DICER1: variants seen among roughly 807,000 people sequenced by gnomAD.
DICER1 encodes the protein endoribonuclease Dicer.
A neutral mutation model predicts 194.1 loss-of-function variants in DICER1; 43 were observed. That is an observed-to-expected ratio of 0.22 (90% CI 0.17 to 0.29). The LOEUF is 0.29. DICER1 is among the 10% of genes least tolerant of loss of function. The pLI is 1.00. For synonymous variants in DICER1, 832 were observed against 820.5 expected (o/e 1.01, Z -0.24); for missense variants, 1,608 against 2,317.0 (o/e 0.69, Z 6.28).
intron 1 of DICER1, among the ~76,000 whole-genome samples, chr14:95,151,322 T>C (rs1895498994): frequency 6.6e-6 from 1 of 152,222 alleles, no homozygotes; most frequent in African/African-American, 2.4e-5. Flanking sequence ...CATCCTCCAT[T>C]ATATTACTAG....
In DICER1 at chr14:95,090,683, C is replaced by T; in HGVS notation, c.5604-20G>A. 1 of 1,613,894 alleles carries T rather than the reference C, an allele frequency of 6.2e-7. No individual in the cohort carries two copies. On this transcript the variant is annotated intron_variant, in intron 26 of 26. Transcript: ENST00000343455. ...GCCGGGCTGTAAAAAATCCAAACAGCTTGAATTAGAAGTCAGAAGTATTTA... is the reference window on the plus strand; with the variant it reads ...GCCGGGCTGTAAAAAATCCAAACAGTTTGAATTAGAAGTCAGAAGTATTTA...
rs139779019 is a variant in DICER1, at chr14:95,123,827, T to C, written c.1376+369A>G. Among the ~76,000 whole-genome samples the C allele has an allele frequency of 4.6e-5, 7 of 152,360 alleles. No homozygotes were observed. The East Asian group carries it at 1.2e-3, about 25-fold the overall frequency. On this transcript the variant is annotated intron_variant, in intron 8 of 26. Transcript: ENST00000343455. ...GAGGGGAACACTTGGTGTGAAATGC[T>C]TAACACAATGTCTAACACATAGTTA... is the stretch of plus-strand genomic sequence containing the variant.
intron 8 of DICER1, among the ~76,000 whole-genome samples, chr14:95,122,315 T>C (rs972300355): frequency 1.3e-5 from 2 of 152,168 alleles, no homozygotes; most frequent in Non-Finnish European, 2.9e-5. Context: ...TACACCCCCA[T>C]TTCTTCTCTC....
intron 4 of DICER1, among the ~76,000 whole-genome samples, 198 bp from the exon 5 acceptor site, chr14:95,130,390 T>C (rs1893854472): frequency 6.6e-6 from 1 of 152,030 alleles, no homozygotes; most frequent in Non-Finnish European, 1.5e-5. Context: ...GGGAAAAGAG[T>C]AGAGAAAAAA....
chr14:95,093,733 T>C (rs1003074954), intron 24 of DICER1, among the ~76,000 whole-genome samples, 155 bp downstream of exon 24: 7 of 152,204 alleles, frequency 4.6e-5, no homozygotes, highest in African/African-American at 1.7e-4. Flanking sequence ...ACCTGCAAAC[T>C]GCAGTTCACT....
chr14:95,137,177 G>A (rs1195562413), intron 1 of DICER1, among the ~76,000 whole-genome samples: 2 of 150,354 alleles, frequency 1.3e-5, no homozygotes, highest in Non-Finnish European at 3.0e-5. Context: ...GAAGGAAAAG[G>A]GGAAGGAGAA....
chr14:95,156,468 C>G (rs147403297), intron 1 of DICER1, among the ~76,000 whole-genome samples: 85 of 152,340 alleles, frequency 5.6e-4, no homozygotes, highest in Non-Finnish European at 1.1e-3. Flanking sequence ...CTTCAGGTTC[C>G]TAAGGACACA....
At chr14:95,153,346 T>C (rs1895639480) in intron 1 of DICER1, among the ~76,000 whole-genome samples, 1 of 152,192 alleles carries the variant, frequency 6.6e-6, no homozygotes. Context: ...ACAACTGATA[T>C]TCGAGGGACA....
intron 6 of DICER1, among the ~76,000 whole-genome samples, chr14:95,128,768 T>C (rs1893694822): frequency 6.6e-6 from 1 of 152,260 alleles, no homozygotes; most frequent in Non-Finnish European, 1.5e-5. Context: ...CAGTCTCCGC[T>C]ACTTATTGTA....
Position 95,126,659 on chromosome 14 carries a change from T to C in DICER1, c.824A>G (p.Glu275Gly), listed in dbSNP as rs2140233305. 1.9e-6 allele frequency: 3 copies of C among 1,587,714 alleles called. No individual in the cohort carries two copies. The highest frequency in any genetic ancestry group is 2.6e-6 in the Non-Finnish European group (3 of 1,156,064). ...GLYERLLMEL[E>G]EALNFINDCN... The stretch of plus-strand genomic sequence containing the variant: ...ATCATTGATAAAATTAAGTGCTTCT[T>C]CTAATTCCATCAGCAGTCTTTCATA... Residue 275 changes from glutamate (E) to glycine (G), a missense_variant, in exon 7 of 27, where the codon GAA becomes GGA. By Grantham distance (98) the Glu-to-Gly change is moderately conservative. Around this residue, in one of 10 missense-constraint regions of DICER1, gnomAD observed 657 missense variants for 910.1 expected, o/e 0.72. Transcript: ENST00000343455.
chr14:95,105,309 AGACCAATTTCACTAATGGAT>A lies in DICER1; in HGVS notation c.3094-83_3094-64del. 1 of 1,405,494 alleles carries A rather than the reference AGACCAATTTCACTAATGGAT, an allele frequency of 7.1e-7. No homozygotes were observed. Among genetic ancestry groups the A allele is most frequent in the Non-Finnish European group, 1.0e-6 (1 of 998,530 alleles). 87.1% of individuals were successfully genotyped at this position (1,405,494 alleles called of 1,614,324 possible). On this transcript the variant is annotated intron_variant, in intron 19 of 26. Coordinates refer to ENST00000343455, the MANE Select transcript of DICER1 (RefSeq NM_177438.3). The surrounding 1 kb of genome is among the most constrained non-coding windows in gnomAD (Gnocchi z 4.9). ...GCGCACACACAAAAGAAAAAAAAAAAGACCAATTTCACTAATGGATAAAGAAAATCATAAATGCTAGTAAA... is the reference window on the plus strand; with the variant it reads ...GCGCACACACAAAAGAAAAAAAAAAAAAAGAAAATCATAAATGCTAGTAAA...
At chr14:95,102,135 T>C (rs913544317) in intron 21 of DICER1, among the ~76,000 whole-genome samples, 1 of 152,206 alleles carries the variant, frequency 6.6e-6, no homozygotes, top group Non-Finnish European at 1.5e-5. Context: ...TATACGGTTA[T>C]CTTTTAGAGT....
chr14:95,148,245 C>T (rs976082930), intron 1 of DICER1, among the ~76,000 whole-genome samples: 2 of 152,114 alleles, frequency 1.3e-5, no homozygotes, highest in Admixed American at 1.3e-4. Flanking sequence ...GCATGATTAA[C>T]CTTCAGCCCC....
At position 95,111,755 on chromosome 14, in the gene DICER1, T is replaced by G. The variant is rs114869816; in HGVS notation, c.2117-299A>C. Among the ~76,000 whole-genome samples, 796 of 151,556 alleles carry G rather than the reference T, an allele frequency of 5.3e-3. 3 individuals are homozygous for G. The highest frequency in any genetic ancestry group is 0.018 in the African/African-American group (737 of 41,270). ...AAATGGCCATAGAAAATGGGTCCACTTATACAGGAGCAGGATTGAGAAAAA... is the reference window on the plus strand; with the variant it reads ...AAATGGCCATAGAAAATGGGTCCACGTATACAGGAGCAGGATTGAGAAAAA... On this transcript the variant is annotated intron_variant, in intron 13 of 26. Transcript: ENST00000343455.
chr14:95,132,278 T>C (rs1369766924), intron 3 of DICER1, among the ~76,000 whole-genome samples: 1 of 152,242 alleles, frequency 6.6e-6, no homozygotes, highest in South Asian at 2.1e-4. Context: ...AATGTACATA[T>C]GTTCCAATAC....
chr14:95,118,096 G>T (rs770198982), intron 8 of DICER1, among the ~76,000 whole-genome samples: 7 of 152,186 alleles, frequency 4.6e-5, no homozygotes, highest in Admixed American at 6.5e-5. Context: ...GATCCTCATA[G>T]ATCTTGGCCT....
rs1017188261 is a variant in DICER1, at chr14:95,105,325, T to C, written c.3094-79A>G. The C allele has an allele frequency of 9.1e-5, 116 of 1,280,210 alleles. No homozygotes were observed. The highest frequency in any genetic ancestry group is 4.7e-5 in the Non-Finnish European group (42 of 887,574). 79.3% of individuals were successfully genotyped at this position (1,280,210 alleles called of 1,614,324 possible). A position where few individuals can be genotyped will look rare whatever the true frequency, so the allele number is the denominator to read the frequency against. On this transcript the variant is annotated intron_variant, in intron 19 of 26. Coordinates refer to ENST00000343455, the MANE Select transcript of DICER1 (RefSeq NM_177438.3). The surrounding 1 kb of genome is among the most constrained non-coding windows in gnomAD (Gnocchi z 4.9). ...AAAAAAAAAAGACCAATTTCACTAA[T>C]GGATAAAGAAAATCATAAATGCTAG...
chr14:95,110,596 A>G, intron 14 of DICER1, among the ~76,000 whole-genome samples: 1 of 152,122 alleles, frequency 6.6e-6, no homozygotes, highest in East Asian at 1.9e-4. Flanking sequence ...TGCAGTTTCC[A>G]CTGTGGGTCT....
In DICER1 at chr14:95,124,710, A is replaced by C; in HGVS notation, c.904-42T>G. 6.8e-7 allele frequency: 1 copy of C among 1,466,200 alleles called. No homozygotes were observed. Among genetic ancestry groups the C allele is most frequent in the Non-Finnish European group, 9.5e-7 (1 of 1,048,526 alleles). 90.8% of individuals were successfully genotyped at this position (1,466,200 alleles called of 1,614,324 possible). A position where few individuals can be genotyped will look rare whatever the true frequency, so the allele number is the denominator to read the frequency against. On this transcript the variant is annotated intron_variant, in intron 7 of 26. Transcript: ENST00000343455. The surrounding 1 kb of genome is among the most constrained non-coding windows in gnomAD (Gnocchi z 4.5). ...AGAAAAAACCTAATGCCAAATAATAATAATGTAGCATTTTCATGTGGGGTT... is the reference window on the plus strand; with the variant it reads ...AGAAAAAACCTAATGCCAAATAATACTAATGTAGCATTTTCATGTGGGGTT...
Sources: allele counts gnomAD v4.1 joint callset (sites outside exome capture counted in the v4.1 genomes callset), GRCh38; gene constraint gnomAD v4.1.1; regional missense constraint gnomAD v4.1.1; non-coding constraint Gnocchi (gnomAD v3.1); transcripts MANE v1.5; gene names NCBI Gene and HGNC (gene_info 2026-07-23, HGNC 2026-07-21).